Variants in ASIC2 observed in about 807,000 individuals in gnomAD.
ASIC2 encodes the protein acid-sensing ion channel 2.
A neutral mutation model predicts 57.3 loss-of-function variants in ASIC2; 25 were observed. That is an observed-to-expected ratio of 0.44 (90% CI 0.32 to 0.61). The LOEUF (loss-of-function observed/expected upper bound fraction) is 0.61. ASIC2 is among the 20% of genes least tolerant of loss of function. The probability of loss-of-function intolerance (pLI) is 0.06; values close to 1 mark genes in which losing one functional copy is unlikely to be tolerated. For synonymous variants in ASIC2, 319 were observed against 307.5 expected, an observed-to-expected ratio of 1.04 and a Z score of -0.39; for missense variants, 641 against 738.1, an observed-to-expected ratio of 0.87 and a Z score of 1.52.
At chr17:34,028,900 C>T (rs1206915433) in intron 1 of ASIC2, among the ~76,000 whole-genome samples, 2 of 152,332 alleles carry the variant, frequency 1.3e-5, no homozygotes, top group East Asian at 1.9e-4. Flanking sequence ...CTGCCCAGCT[C>T]TCATGGCTGT....
intron 3 of ASIC2, among the ~76,000 whole-genome samples, chr17:33,086,649 A>G (rs2092134893): frequency 6.6e-6 from 1 of 152,130 alleles, no homozygotes; most frequent in Non-Finnish European, 1.5e-5. Flanking sequence ...AAACACTATC[A>G]TAGTTTCTAA....
intron 1 of ASIC2, among the ~76,000 whole-genome samples, chr17:33,390,712 C>T (rs1909858572): frequency 6.6e-6 from 1 of 152,230 alleles, no homozygotes; most frequent in Non-Finnish European, 1.5e-5. Context: ...CACAGGGCAG[C>T]TCATAAAAGG....
intron 1 of ASIC2, among the ~76,000 whole-genome samples, chr17:33,864,028 T>C (rs905632603): frequency 5.3e-5 from 8 of 152,030 alleles, no homozygotes; most frequent in Non-Finnish European, 8.8e-5. Context: ...CTTAGCCTAC[T>C]GAGTAGCTGG....
chr17:33,083,452 T>C (rs563625568), intron 3 of ASIC2, among the ~76,000 whole-genome samples: 12 of 152,354 alleles, frequency 7.9e-5, no homozygotes, highest in Admixed American at 1.3e-4. Flanking sequence ...TCTTAATTTT[T>C]CCAGCACATT....
chr17:33,445,169 G>T (rs896803949), intron 1 of ASIC2, among the ~76,000 whole-genome samples: 13 of 152,164 alleles, frequency 8.5e-5, no homozygotes, highest in Admixed American at 3.3e-4. Context: ...GGGTGCAGTG[G>T]CTCACACCTA....
At chr17:33,227,786 A>C (rs1253653862) in intron 1 of ASIC2, among the ~76,000 whole-genome samples, 1 of 152,230 alleles carries the variant, frequency 6.6e-6, no homozygotes, top group Admixed American at 6.5e-5. Flanking sequence ...CAAAGGTGTT[A>C]GACAATTTGC....
chr17:33,379,924 A>G (rs772908004), intron 1 of ASIC2, among the ~76,000 whole-genome samples: 1 of 152,152 alleles, frequency 6.6e-6, no homozygotes, highest in Non-Finnish European at 1.5e-5. Context: ...CTTGCACAGA[A>G]TAGGTCCATA....
chr17:33,667,537 A>T (rs1907514223), intron 1 of ASIC2, among the ~76,000 whole-genome samples: 1 of 152,220 alleles, frequency 6.6e-6, no homozygotes, highest in African/African-American at 2.4e-5. Context: ...ACGTTGCAGA[A>T]TACAGAGGGG....
chr17:33,472,538 C>T (rs910085586), intron 1 of ASIC2, among the ~76,000 whole-genome samples: 1 of 152,190 alleles, frequency 6.6e-6, no homozygotes, highest in Non-Finnish European at 1.5e-5. Flanking sequence ...AGCTCTAAAA[C>T]TCATCTTCCT....
At chr17:33,927,789 C>T (rs1268823202) in intron 1 of ASIC2, among the ~76,000 whole-genome samples, 1 of 152,158 alleles carries the variant, frequency 6.6e-6, no homozygotes, top group Admixed American at 6.5e-5. Context: ...AGTTTCGCTG[C>T]TTTTATTCCA....
At chr17:33,104,083 T>A (rs1051189446) in intron 2 of ASIC2, among the ~76,000 whole-genome samples, 1 of 152,230 alleles carries the variant, frequency 6.6e-6, no homozygotes, top group Admixed American at 6.5e-5. Context: ...CCTCGTGTAA[T>A]CTGCCAAGTC....
At chr17:33,337,537 G>C (rs1412481806) in intron 1 of ASIC2, among the ~76,000 whole-genome samples, 1 of 152,202 alleles carries the variant, frequency 6.6e-6, no homozygotes, top group East Asian at 1.9e-4. Context: ...CTGTTCAAAG[G>C]GGATAGTAAT....
intron 1 of ASIC2, among the ~76,000 whole-genome samples, chr17:33,837,886 C>T (rs1194210503): frequency 6.6e-6 from 1 of 152,158 alleles, no homozygotes; most frequent in East Asian, 1.9e-4. Flanking sequence ...GCTGTTCTCT[C>T]TTTCTGAACT....
chr17:33,791,799 A>G (rs1911778162), intron 1 of ASIC2: 2 of 151,954 alleles, frequency 1.3e-5, no homozygotes, highest in African/African-American at 4.8e-5. Context: ...ACATATTTTC[A>G]TGTTTTTATT....
At chr17:33,107,697 TC>T (rs1220044330) in intron 2 of ASIC2, among the ~76,000 whole-genome samples, 50 of 152,368 alleles carry the variant, frequency 3.3e-4, no homozygotes, top group African/African-American at 1.1e-3. Flanking sequence ...TAGGGCTGGG[TC>T]TACCCAAAGA....
At chr17:33,538,257 T>A (rs1285764140) in intron 1 of ASIC2, among the ~76,000 whole-genome samples, 1 of 151,810 alleles carries the variant, frequency 6.6e-6, no homozygotes, top group Non-Finnish European at 1.5e-5. Flanking sequence ...GAGGTGAAAA[T>A]GGTGAATGAT....
chr17:33,270,271 A>G (rs1288480592), intron 1 of ASIC2, among the ~76,000 whole-genome samples: 1 of 152,220 alleles, frequency 6.6e-6, no homozygotes, highest in Admixed American at 6.5e-5. Context: ...TGAAATGATA[A>G]GCCTCCATAC....
chr17:33,132,930 T>C (rs2092353069), intron 1 of ASIC2, among the ~76,000 whole-genome samples: 1 of 152,260 alleles, frequency 6.6e-6, no homozygotes, highest in Admixed American at 6.5e-5. Context: ...GCTCATGTCC[T>C]ACCTTGTTTC....
At chr17:33,344,498 G>A (rs999901378) in intron 1 of ASIC2, among the ~76,000 whole-genome samples, 1 of 152,114 alleles carries the variant, frequency 6.6e-6, no homozygotes, top group Admixed American at 6.5e-5. Context: ...CAGAACAACT[G>A]AATTATAATC....
Sources: allele counts gnomAD v4.1 joint callset (sites outside exome capture counted in the v4.1 genomes callset), GRCh38; gene constraint gnomAD v4.1.1; transcripts MANE v1.5; gene names NCBI Gene and HGNC (gene_info 2026-07-23, HGNC 2026-07-21).